Variants in TRIML1 observed in about 807,000 individuals in gnomAD.
The protein encoded by TRIML1 is tripartite motif family like 1.
A neutral mutation model predicts 32.3 loss-of-function variants in TRIML1; 34 were observed. The observed-to-expected ratio is 1.05, with a 90% confidence interval of 0.80 to 1.40. The LOEUF is 1.40. Among genes scored for constraint, TRIML1 ranks in the 40% most tolerant of loss-of-function variants. The pLI, the probability that TRIML1 is intolerant of heterozygous loss-of-function variation, is 0.00. For synonymous variants in TRIML1, 244 were observed against 226.6 expected (o/e 1.08, Z -0.69); for missense variants, 595 against 574.9 (o/e 1.03, Z -0.36).
Position 188,147,083 on chromosome 4 carries a change from G to C in TRIML1, c.1118G>C (p.Gly373Ala). The change falls in exon 6 of 6, where the codon GGG (glycine) becomes GCG (alanine). Residue 373 changes from glycine (G) to alanine (A), a missense_variant. Physicochemically the swap from Gly to Ala is moderately conservative, Grantham distance 60 (BLOSUM62 0). Coordinates refer to ENST00000332517, the MANE Select transcript of TRIML1 (RefSeq NM_178556.5). ...AAGGGGAATCTCCCCAAGCCACCTG[G>C]GGACCTGTTCTCACTAATAGGTTTA... Reference protein sequence around the residue: ...SRKGNLPKPPGDLFSLIGLKI... With the variant: ...SRKGNLPKPPADLFSLIGLKI... 1 of 1,613,896 alleles carries C rather than the reference G, an allele frequency of 6.2e-7. No homozygotes were observed. Among genetic ancestry groups the C allele is most frequent in the Non-Finnish European group, 8.5e-7 (1 of 1,179,972 alleles).
chr4:188,140,474 C>CT, intron 1 of TRIML1, 54 bp from the exon 2 acceptor site: 1 of 1,464,226 alleles, frequency 6.8e-7, no homozygotes. Context: ...TTCAAAGCCC[C>CT]TTCATGACCT....
At chr4:188,142,654 G>A (rs1481471707) in intron 3 of TRIML1, among the ~76,000 whole-genome samples, 172 bp downstream of exon 3, 1 of 147,002 alleles carries the variant, frequency 6.8e-6, no homozygotes, top group African/African-American at 2.6e-5. Flanking sequence ...AGAAGAGAGA[G>A]AGAGAGAAAA....
At chr4:188,141,793 T>A (rs1412126819) in intron 2 of TRIML1, among the ~76,000 whole-genome samples, 1 of 152,126 alleles carries the variant, frequency 6.6e-6, no homozygotes, top group East Asian at 1.9e-4. Flanking sequence ...TATTATATGT[T>A]GGATTTCAGG....
chr4:188,144,927 G>A (rs1038369502), intron 5 of TRIML1, among the ~76,000 whole-genome samples: 1 of 152,142 alleles, frequency 6.6e-6, no homozygotes, highest in African/African-American at 2.4e-5. Flanking sequence ...GACCTTCAGA[G>A]GAAGAGGCCT....
chr4:188,142,760 A>C (rs918603524), intron 3 of TRIML1, among the ~76,000 whole-genome samples: 2 of 150,508 alleles, frequency 1.3e-5, no homozygotes, highest in African/African-American at 4.9e-5. Flanking sequence ...AGCTTTGTTA[A>C]TTTTTTTTTC....
chr4:188,149,302 C>T (rs756268074), downstream of TRIML1, among the ~76,000 whole-genome samples: 1 of 152,060 alleles, frequency 6.6e-6, no homozygotes, highest in Non-Finnish European at 1.5e-5. Context: ...TACCTCCTCT[C>T]ATCTCTCAGA....
upstream of TRIML1, among the ~76,000 whole-genome samples, chr4:188,138,561 A>T (rs558260321): frequency 2.0e-5 from 3 of 152,034 alleles, no homozygotes; most frequent in Non-Finnish European, 2.9e-5. Context: ...ATTTGTTACC[A>T]ATCTCGGAGT....
chr4:188,142,797 T>G, intron 3 of TRIML1: 1 of 249,238 alleles, frequency 4.0e-6, no homozygotes, highest in South Asian at 6.6e-5. Context: ...ATTTACTATG[T>G]GCTGGGCACA....
chr4:188,148,441 C>T (rs548114329), downstream of TRIML1, among the ~76,000 whole-genome samples: 5 of 150,336 alleles, frequency 3.3e-5, no homozygotes, highest in South Asian at 2.2e-4. Flanking sequence ...TTGCAGTGAG[C>T]GGAGATCATT....
downstream of TRIML1, among the ~76,000 whole-genome samples, chr4:188,148,215 C>A (rs189368828): frequency 2.9e-4 from 44 of 152,200 alleles, no homozygotes; most frequent in African/African-American, 8.9e-4. Flanking sequence ...CAGGGTTGGC[C>A]GGATGCGGTG....
chr4:188,139,425 G>T, upstream of TRIML1: 1 of 840,812 alleles, frequency 1.2e-6, no homozygotes, highest in Non-Finnish European at 1.8e-6. Context: ...AGGCACAGAA[G>T]AGATAAGGGT....
chr4:188,142,618 C>A, intron 3 of TRIML1, 136 bp downstream of exon 3: 1 of 630,366 alleles, frequency 1.6e-6, no homozygotes, highest in Non-Finnish European at 2.7e-6. Context: ...AAAGAATTGA[C>A]ATTCTATATG....
chr4:188,146,177 A>G (rs1351498159), intron 5 of TRIML1, among the ~76,000 whole-genome samples: 1 of 149,916 alleles, frequency 6.7e-6, no homozygotes, highest in Non-Finnish European at 1.5e-5. Context: ...AGAACCTCCC[A>G]TGGCTAATAT....
intron 3 of TRIML1, 59 bp downstream of exon 3, chr4:188,142,541 G>T (rs1734903959): frequency 7.7e-7 from 1 of 1,304,366 alleles, no homozygotes; most frequent in Admixed American, 2.1e-5. Flanking sequence ...AGTACTTCAA[G>T]CCATAGGAAA....
At position 188,139,475 on chromosome 4, in the gene TRIML1, TACTC is replaced by T; in HGVS notation, c.-82_-79del. ...ACATAGGAACAGGTCACCCGCGTGTTACTCAAAACTGTAGGACGGCAGTGAGGGC... is the reference window on the plus strand; with the variant it reads ...ACATAGGAACAGGTCACCCGCGTGTTAAAACTGTAGGACGGCAGTGAGGGC... On this transcript the variant is annotated 5_prime_UTR_variant, in exon 1 of 6. Transcript: ENST00000332517. The T allele has an allele frequency of 7.2e-7, 1 of 1,381,238 alleles. No homozygotes were observed. Among genetic ancestry groups the T allele is most frequent in the Non-Finnish European group, 9.9e-7 (1 of 1,014,810 alleles). The allele number at this position is 1,381,238 out of a possible 1,614,324, so 85.6% of individuals were successfully genotyped here.
Sources: allele counts gnomAD v4.1 joint callset (sites outside exome capture counted in the v4.1 genomes callset), GRCh38; gene constraint gnomAD v4.1.1; transcripts MANE v1.5; gene names NCBI Gene and HGNC (gene_info 2026-07-23, HGNC 2026-07-21).